Variants in GSAP observed in about 807,000 individuals in gnomAD.
GSAP encodes gamma-secretase-activating protein.
In GSAP, 118 loss-of-function variants were observed where a neutral mutation model predicts 131.7. The ratio of observed to expected loss-of-function variants is 0.90; its 90% confidence interval spans 0.77 to 1.04. The LOEUF is 1.04. Ranked by LOEUF, GSAP falls within the 50% of genes least tolerant of loss-of-function variation. The probability of loss-of-function intolerance (pLI) is 0.00; values close to 1 mark genes in which losing one functional copy is unlikely to be tolerated. For synonymous variants in GSAP, 381 were observed against 363.4 expected (o/e 1.05, Z -0.55); for missense variants, 1,019 against 1,013.2 (o/e 1.01, Z -0.08).
At chr7:77,359,792 C>T (rs958213823) in intron 14 of GSAP, among the ~76,000 whole-genome samples, 3 of 152,206 alleles carry the variant, frequency 2.0e-5, no homozygotes, top group African/African-American at 7.2e-5. Context: ...TCACAAAGTG[C>T]TGTTTTCATA....
chr7:77,311,911 C>A lies in GSAP; in HGVS notation c.2403G>T (p.Ser801=). The change falls in exon 30 of 31, where the codon TCG becomes TCT. Residue 801 remains serine, a synonymous_variant. Transcript: ENST00000257626. Reference sequence around the variant, plus strand: ...TCAGAGGCAGAAATTCTACACTGAACGATGACTTGTTAATCATAGAATTCC... The same window carrying A: ...TCAGAGGCAGAAATTCTACACTGAAAGATGACTTGTTAATCATAGAATTCC... ...QPRNSMINKS[S]FSVEFLPLNY... 3 of 1,599,870 alleles carry A rather than the reference C, an allele frequency of 1.9e-6. No individual in the cohort carries two copies. The highest frequency in any genetic ancestry group is 2.6e-6 in the Non-Finnish European group (3 of 1,167,154).
intron 2 of GSAP, among the ~76,000 whole-genome samples, chr7:77,405,666 T>C (rs1412467093): frequency 6.6e-6 from 1 of 152,168 alleles, no homozygotes; most frequent in Non-Finnish European, 1.5e-5. Context: ...GCCTCCTGAG[T>C]AGCTGGAACT....
intron 24 of GSAP, among the ~76,000 whole-genome samples, chr7:77,322,471 G>C (rs961539556): frequency 2.0e-5 from 3 of 152,100 alleles, no homozygotes; most frequent in African/African-American, 7.2e-5. Context: ...ATTAACAATG[G>C]AGAAAAATGA....
chr7:77,373,432 G>T (rs539257022), intron 12 of GSAP, among the ~76,000 whole-genome samples: 44 of 152,300 alleles, frequency 2.9e-4, no homozygotes, highest in African/African-American at 9.1e-4. Flanking sequence ...GTCCATTAAA[G>T]TTGGGATATT....
chr7:77,398,715 C>T (rs1477752997), intron 3 of GSAP, among the ~76,000 whole-genome samples: 4 of 152,018 alleles, frequency 2.6e-5, no homozygotes, highest in African/African-American at 9.7e-5. Context: ...CTGCTGTGAG[C>T]CGTGATTGTG....
intron 26 of GSAP, among the ~76,000 whole-genome samples, chr7:77,319,677 A>G (rs1584230752): frequency 6.6e-6 from 1 of 152,358 alleles, no homozygotes; most frequent in Admixed American, 6.5e-5. Context: ...AAGAAAGTGT[A>G]GAATTTACAA....
At position 77,376,725 on chromosome 7, in the gene GSAP, C is replaced by T. The variant is rs192859324; in HGVS notation, c.741+123G>A. ...CCAGGAGGCAGAGCTTGCAGTGAGC[C>T]GAGATCGCGCCACTGCACCCAGCGT... On this transcript the variant is annotated intron_variant, in intron 10 of 30. Transcript: ENST00000257626. The T allele has an allele frequency of 1.1e-3, 637 of 559,662 alleles. 3 individuals are homozygous for T. The highest frequency in any genetic ancestry group is 2.9e-3 in the South Asian group (141 of 47,840). The allele number at this position is 559,662 out of a possible 1,614,324, so 34.7% of individuals were successfully genotyped here.
At chr7:77,400,968 T>C (rs1801216288) in intron 3 of GSAP, among the ~76,000 whole-genome samples, 1 of 146,870 alleles carries the variant, frequency 6.8e-6, no homozygotes, top group Non-Finnish European at 1.5e-5. Flanking sequence ...AAAACCTCCA[T>C]GGGTAGGCTC....
intron 18 of GSAP, among the ~76,000 whole-genome samples, chr7:77,352,177 C>T (rs923035041): frequency 6.6e-6 from 1 of 152,202 alleles, no homozygotes; most frequent in Non-Finnish European, 1.5e-5. Flanking sequence ...CATAAAGTGT[C>T]ACCATTTACT....
intron 23 of GSAP, among the ~76,000 whole-genome samples, chr7:77,324,372 C>A (rs1788047600): frequency 6.6e-6 from 1 of 152,160 alleles, no homozygotes; most frequent in Non-Finnish European, 1.5e-5. Context: ...CCAGCCTTCC[C>A]CACCTTTTGC....
chr7:77,336,197 A>G (rs992625088), intron 19 of GSAP, among the ~76,000 whole-genome samples: 1 of 152,176 alleles, frequency 6.6e-6, no homozygotes, highest in Non-Finnish European at 1.5e-5. Flanking sequence ...TCTAAAAATG[A>G]AATCACTAAA....
chr7:77,407,389 C>G (rs10269030), intron 1 of GSAP, among the ~76,000 whole-genome samples: 18,920 of 152,008 alleles, frequency 0.12, 1,700 homozygotes, highest in East Asian at 0.41. Context: ...GAGATTTTTT[C>G]CTCCAATCTG....
intron 5 of GSAP, among the ~76,000 whole-genome samples, chr7:77,388,627 T>C (rs936446320): frequency 1.3e-5 from 2 of 152,250 alleles, no homozygotes; most frequent in African/African-American, 4.8e-5. Context: ...GAGACTCTAA[T>C]ATGATCCAGT....
intron 9 of GSAP, 50 bp downstream of exon 9, chr7:77,377,236 G>GC: frequency 2.0e-6 from 1 of 501,066 alleles, no homozygotes; most frequent in Non-Finnish European, 2.5e-6. Flanking sequence ...TAATATTTTT[G>GC]TAAAAAAAAA....
At chr7:77,374,230 C>A in intron 11 of GSAP, 75 bp from the exon 12 acceptor site, 1 of 717,446 alleles carries the variant, frequency 1.4e-6, no homozygotes, top group Non-Finnish European at 2.4e-6. Context: ...TGAGTAACCA[C>A]TAAATAATAT....
At chr7:77,321,722 G>A (rs930125532) in intron 24 of GSAP, among the ~76,000 whole-genome samples, 2 of 152,170 alleles carry the variant, frequency 1.3e-5, no homozygotes, top group African/African-American at 4.8e-5. Context: ...GTGCTACAGG[G>A]TTTGCTCCAG....
intron 2 of GSAP, among the ~76,000 whole-genome samples, chr7:77,405,710 G>A (rs1474343628): frequency 2.0e-5 from 3 of 152,046 alleles, no homozygotes; most frequent in Non-Finnish European, 4.4e-5. Context: ...GCTCATTTTT[G>A]TATTTTTTGG....
Position 77,375,076 on chromosome 7 carries a change from AATG to A in GSAP, c.764_766del (p.Ser255del). ...AACTTACTTAAATCCTGAGTTGCTT[AATG>A]ATATGTCCAAGGGTACTTCAAACTG... On this transcript the variant is annotated inframe_deletion, in exon 11 of 31. Transcript: ENST00000257626. 1 of 1,555,636 alleles carries A rather than the reference AATG, an allele frequency of 6.4e-7. No individual in the cohort carries two copies. The highest frequency in any genetic ancestry group is 8.8e-7 in the Non-Finnish European group (1 of 1,133,234).
chr7:77,389,225 C>CCTAAAAGTATGT, intron 5 of GSAP, among the ~76,000 whole-genome samples: 1 of 151,640 alleles, frequency 6.6e-6, no homozygotes, highest in South Asian at 2.1e-4. Context: ...TAAAAGTATG[C>CCTAAAAGTATGT]GTGTGTGTAT....
Sources: allele counts gnomAD v4.1 joint callset (sites outside exome capture counted in the v4.1 genomes callset), GRCh38; gene constraint gnomAD v4.1.1; transcripts MANE v1.5; gene names NCBI Gene and HGNC (gene_info 2026-07-23, HGNC 2026-07-21).